The following NTM variants were observed in gnomAD, a reference collection of about 807,000 sequenced individuals.
NTM encodes IgLON family member 2.
In NTM, 13 loss-of-function variants were observed where a neutral mutation model predicts 42.1. That is an observed-to-expected ratio of 0.31 (90% confidence interval 0.20 to 0.49). NTM has a LOEUF of 0.49. Among genes scored for constraint, NTM ranks in the 20% least tolerant of loss-of-function variants. NTM has a pLI of 0.99. For synonymous variants in NTM, 187 were observed against 179.2 expected (o/e 1.04, Z -0.35); for missense variants, 373 against 452.8 (o/e 0.82, Z 1.60).
At chr11:131,651,496 A>G (rs1479036447) in intron 1 of NTM, among the ~76,000 whole-genome samples, 1 of 152,188 alleles carries the variant, frequency 6.6e-6, no homozygotes, top group Non-Finnish European at 1.5e-5. Context: ...TTGGTCATAC[A>G]TTCAGCTCGG....
intron 3 of NTM, among the ~76,000 whole-genome samples, chr11:132,190,098 A>G (rs924000928): frequency 2.0e-5 from 3 of 152,192 alleles, no homozygotes; most frequent in Non-Finnish European, 2.9e-5. Context: ...AAATGATTTG[A>G]GCCCTTGTTG....
chr11:131,895,856 G>A (rs1477004367), intron 1 of NTM, among the ~76,000 whole-genome samples: 3 of 152,120 alleles, frequency 2.0e-5, no homozygotes, highest in East Asian at 1.9e-4. Context: ...GATGGTAGGA[G>A]GGCATCTTGG....
At position 132,104,933 on chromosome 11, in the gene NTM, A is replaced by ATATG. The variant is rs751071122; in HGVS notation, c.168-41345_168-41342dup. Among the ~76,000 whole-genome samples, 120 of 14,618 alleles carry ATATG rather than the reference A, an allele frequency of 8.2e-3. 1 individual carries two copies. Among genetic ancestry groups the ATATG allele is most frequent in the South Asian group, 0.019 (7 of 366 alleles). The allele number at this position is 14,618 out of a possible 152,430, so 9.6% of individuals were successfully genotyped here. Reference sequence around the variant, plus strand: ...ATCCTCTCTCTCTCTCCATATATACATATGTATATATATATATATATATAT... The same window carrying ATATG: ...ATCCTCTCTCTCTCTCCATATATACATATGTATGTATATATATATATATATATAT... On this transcript the variant is annotated intron_variant, in intron 2 of 8. Coordinates refer to ENST00000683400, the MANE Select transcript of NTM (RefSeq NM_001352005.2).
chr11:132,120,362 A>C (rs2064590671), intron 2 of NTM, among the ~76,000 whole-genome samples: 1 of 152,176 alleles, frequency 6.6e-6, no homozygotes, highest in African/African-American at 2.4e-5. Flanking sequence ...AAAAGGGAAA[A>C]GAATGAGAGT....
intron 1 of NTM, among the ~76,000 whole-genome samples, chr11:131,584,145 T>A (rs1048715219): frequency 2.0e-5 from 3 of 152,218 alleles, no homozygotes; most frequent in Non-Finnish European, 4.4e-5. Context: ...CAACCCTCTT[T>A]GCTGACACCA....
intron 4 of NTM, among the ~76,000 whole-genome samples, chr11:132,253,744 C>T (rs2139416845): frequency 6.6e-6 from 1 of 152,302 alleles, no homozygotes; most frequent in Non-Finnish European, 1.5e-5. Context: ...CTTTTTCCCC[C>T]TCCTCTCAGA....
intron 1 of NTM, among the ~76,000 whole-genome samples, chr11:131,682,799 C>T (rs2073188226): frequency 6.6e-6 from 1 of 152,140 alleles, no homozygotes; most frequent in African/African-American, 2.4e-5. Flanking sequence ...CCTTTGGCTC[C>T]TGGAGGCCCA....
intron 1 of NTM, among the ~76,000 whole-genome samples, chr11:131,850,485 A>T (rs956488738): frequency 1.3e-5 from 2 of 152,196 alleles, no homozygotes; most frequent in Non-Finnish European, 2.9e-5. Flanking sequence ...AGGGAGACAC[A>T]GAGCTGGGAG....
intron 1 of NTM, among the ~76,000 whole-genome samples, chr11:131,864,036 A>G (rs930108457): frequency 5.3e-5 from 8 of 152,178 alleles, no homozygotes; most frequent in African/African-American, 1.9e-4. Flanking sequence ...AGTGCCCAGC[A>G]TAAGAAGTCG....
chr11:132,106,093 C>T (rs554413913), intron 2 of NTM, among the ~76,000 whole-genome samples: 70 of 152,172 alleles, frequency 4.6e-4, no homozygotes, highest in Non-Finnish European at 9.4e-4. Context: ...GGTTCAATTA[C>T]TTACATGTTC....
chr11:132,123,492 C>T lies in NTM; in HGVS notation c.168-22790C>T, dbSNP rs144315755. Among the ~76,000 whole-genome samples, 270 of 152,254 alleles carry T rather than the reference C, an allele frequency of 1.8e-3. 1 individual carries two copies. The highest frequency in any genetic ancestry group is 6.1e-3 in the African/African-American group (254 of 41,534). ...TGTCTGTGTGGTCCATTGCATAGAA[C>T]GACAGAGGAAGCTGATCCAAGCTTT... On this transcript the variant is annotated intron_variant, in intron 2 of 8. Coordinates refer to ENST00000683400, the MANE Select transcript of NTM (RefSeq NM_001352005.2).
At chr11:131,559,472 G>A (rs2055926638) in intron 1 of NTM, among the ~76,000 whole-genome samples, 1 of 152,082 alleles carries the variant, frequency 6.6e-6, no homozygotes, top group Non-Finnish European at 1.5e-5. Flanking sequence ...GGAAAAGCTA[G>A]GTATATTCAC....
intron 4 of NTM, among the ~76,000 whole-genome samples, chr11:132,265,185 A>T (rs962986039): frequency 6.6e-6 from 1 of 152,176 alleles, no homozygotes; most frequent in Non-Finnish European, 1.5e-5. Flanking sequence ...CTTAATTTGT[A>T]TGGTGGTTCT....
At chr11:131,607,093 C>G (rs1426764994) in intron 1 of NTM, among the ~76,000 whole-genome samples, 2 of 152,200 alleles carry the variant, frequency 1.3e-5, no homozygotes, top group Non-Finnish European at 2.9e-5. Flanking sequence ...CATGCAAGTG[C>G]TGATAGCTTT....
At chr11:131,648,120 G>A (rs1190497801) in intron 1 of NTM, among the ~76,000 whole-genome samples, 2 of 152,178 alleles carry the variant, frequency 1.3e-5, no homozygotes, top group African/African-American at 4.8e-5. Context: ...TTGGCTGTCT[G>A]TTCCTGCATT....
intron 1 of NTM, among the ~76,000 whole-genome samples, chr11:131,413,513 G>A (rs539809382): frequency 2.6e-5 from 4 of 152,178 alleles, no homozygotes; most frequent in Admixed American, 1.3e-4. Flanking sequence ...GAGCCGTTTT[G>A]TCAGGAGCTT....
chr11:131,430,810 A>G (rs959177548), intron 1 of NTM, among the ~76,000 whole-genome samples: 1 of 152,152 alleles, frequency 6.6e-6, no homozygotes, highest in Non-Finnish European at 1.5e-5. Flanking sequence ...AGCAGCCAGG[A>G]CCTTTCTGGG....
Position 131,392,560 on chromosome 11 carries a change from A to C in NTM, c.82+21672A>C, listed in dbSNP as rs1377147396. On this transcript the variant is annotated intron_variant, in intron 1 of 8. Coordinates refer to ENST00000683400, the MANE Select transcript of NTM (RefSeq NM_001352005.2). The stretch of plus-strand genomic sequence containing the variant: ...GGAGAGAGAAGAGCAAATTCAATAA[A>C]GCCTCGCCTTGAGAAGGATGTGTTT... Among the ~76,000 whole-genome samples the C allele has an allele frequency of 2.0e-5, 3 of 152,366 alleles. No individual in the cohort carries two copies. The East Asian group carries it at 5.8e-4, about 29-fold the overall frequency.
At chr11:131,874,940 A>G (rs1189582491) in intron 1 of NTM, among the ~76,000 whole-genome samples, 1 of 152,198 alleles carries the variant, frequency 6.6e-6, no homozygotes, top group African/African-American at 2.4e-5. Context: ...TGTAAAGAAC[A>G]AACTCAGGAA....
Sources: gnomAD v4.1 joint callset for allele counts (sites outside exome capture counted in the v4.1 genomes callset) on GRCh38, gnomAD v4.1.1 for gene constraint, MANE v1.5 for transcripts, NCBI Gene and HGNC (gene_info 2026-07-23, HGNC 2026-07-21) for gene names.